The following EZR variants were observed in gnomAD, a reference collection of about 807,000 sequenced individuals.
EZR encodes the protein ezrin, also known as cytovillin 2.
EZR carries 40 observed loss-of-function variants against 74.8 expected under a neutral mutation model. That is an observed-to-expected ratio of 0.53 (90% confidence interval 0.42 to 0.70). EZR has a LOEUF of 0.70. EZR is among the 30% of genes least tolerant of loss of function. The pLI is 0.00. For synonymous variants in EZR, 341 were observed against 283.3 expected (o/e 1.20, Z -2.05); for missense variants, 678 against 755.8 (o/e 0.90, Z 1.21).
intron 10 of EZR, among the ~76,000 whole-genome samples, chr6:158,770,148 C>T (rs955771641): frequency 6.6e-6 from 1 of 152,220 alleles, no homozygotes; most frequent in Admixed American, 6.5e-5. Flanking sequence ...GGCTAGAAAC[C>T]CGTCCAACGC....
chr6:158,804,430 G>T (rs1777284698), intron 2 of EZR, among the ~76,000 whole-genome samples: 1 of 152,194 alleles, frequency 6.6e-6, no homozygotes, highest in African/African-American at 2.4e-5. Context: ...ATAAACTCCT[G>T]AAGTCTAAGT....
At position 158,787,213 on chromosome 6, in the gene EZR, A is replaced by G. The variant is rs1184319244; in HGVS notation, c.97-10T>C. On this transcript the variant is annotated splice_polypyrimidine_tract_variant and intron_variant, in intron 3 of 13. Coordinates refer to ENST00000367075, the MANE Select transcript of EZR (RefSeq NM_001111077.2). Reference sequence around the variant, plus strand: ...CGATAGTCTTTACCACCTGCGTGAGAGAGAGAGAGGCTCAACACTCATGAG... The same window carrying G: ...CGATAGTCTTTACCACCTGCGTGAGGGAGAGAGAGGCTCAACACTCATGAG... 2 of 1,607,534 alleles carry G rather than the reference A, an allele frequency of 1.2e-6. No individual in the cohort carries two copies. The highest frequency in any genetic ancestry group is 1.7e-5 in the Admixed American group (1 of 59,938).
chr6:158,772,289 A>G (rs1340277156), intron 8 of EZR, among the ~76,000 whole-genome samples: 2 of 152,226 alleles, frequency 1.3e-5, no homozygotes, highest in Non-Finnish European at 2.9e-5. Flanking sequence ...CTCGTGCAGC[A>G]CAGACAGCCA....
At chr6:158,770,716 G>A (rs1379839378) in intron 10 of EZR, 48 bp downstream of exon 10, 13 of 1,612,484 alleles carry the variant, frequency 8.1e-6, no homozygotes, top group Non-Finnish European at 8.5e-6. Flanking sequence ...CTGCTACTCT[G>A]TGGAAATGCA....
rs541507974 is a variant in EZR at position 158,813,189 on chromosome 6, C to T, written c.12+4893G>A. On this transcript the variant is annotated intron_variant, in intron 2 of 13. Coordinates refer to ENST00000367075, the MANE Select transcript of EZR (RefSeq NM_001111077.2). ...AACCCCAAACTCACACTACTTCCTCCCACCACAGGGCCTTTGCACACGTTG... is the reference window on the plus strand; with the variant it reads ...AACCCCAAACTCACACTACTTCCTCTCACCACAGGGCCTTTGCACACGTTG... Among the ~76,000 whole-genome samples the T allele has an allele frequency of 2.6e-4, 40 of 152,284 alleles. No individual in the cohort carries two copies. In the East Asian group the frequency reaches 3.9e-3, roughly 15 times the overall value.
chr6:158,781,339 G>A (rs1583565217), intron 7 of EZR, among the ~76,000 whole-genome samples: 1 of 152,174 alleles, frequency 6.6e-6, no homozygotes, highest in African/African-American at 2.4e-5. Flanking sequence ...AAGTGAGCCT[G>A]CCCAACACCC....
chr6:158,803,568 T>C (rs1030408856), intron 2 of EZR, among the ~76,000 whole-genome samples: 44 of 7,568 alleles, frequency 5.8e-3, no homozygotes, highest in African/African-American at 9.0e-3. Context: ...TATATATATA[T>C]ATATATATAT....
Position 158,767,435 on chromosome 6 carries a change from TGGTGGGGGCGGG to T in EZR, c.1410_1421del (p.Pro473_Pro476del). On this transcript the variant is annotated inframe_deletion, in exon 13 of 14. Transcript: ENST00000367075. Reference sequence around the variant, plus strand: ...AGCTCACCGGCTCGTACACGGGGGGTGGTGGGGGCGGGGGTGCTGTCATCACCAGGTGCAGCT... The same window carrying T: ...AGCTCACCGGCTCGTACACGGGGGGTGGTGCTGTCATCACCAGGTGCAGCT... The T allele has an allele frequency of 7.3e-7, 1 of 1,375,616 alleles. No individual in the cohort carries two copies. The highest frequency in any genetic ancestry group is 1.2e-5 in the South Asian group (1 of 84,784). The allele number at this position is 1,375,616 out of a possible 1,614,324, so 85.2% of individuals were successfully genotyped here.
chr6:158,782,240 GT>G (rs1459228621), intron 7 of EZR, among the ~76,000 whole-genome samples: 1 of 152,200 alleles, frequency 6.6e-6, no homozygotes, highest in Non-Finnish European at 1.5e-5. Flanking sequence ...GCTGGCACAG[GT>G]CCCTGACTTG....
At chr6:158,800,658 C>T (rs74809846) in intron 2 of EZR, among the ~76,000 whole-genome samples, 2 of 152,016 alleles carry the variant, frequency 1.3e-5, no homozygotes, top group East Asian at 1.9e-4. Flanking sequence ...AAATATTAGC[C>T]GGGTGTGGTG....
chr6:158,771,286 T>G lies in EZR; in HGVS notation c.917A>C (p.Lys306Thr). Residue 306 changes from lysine to threonine, a missense_variant, in exon 9 of 14, where the codon AAG (lysine) becomes ACG (threonine). Transcript: ENST00000367075. ...ATGCTTCTCCTCCCGGGCCTGGGCC[T>G]TCATCTGCTGCACCTCGATGGTGTC... ...KPDTIEVQQM[K>T]AQAREEKHQK... 6.2e-7 allele frequency: 1 copy of G among 1,614,046 alleles called. No individual in the cohort carries two copies. The highest frequency in any genetic ancestry group is 8.5e-7 in the Non-Finnish European group (1 of 1,179,962).
At chr6:158,796,184 T>C (rs1777066089) in intron 2 of EZR, among the ~76,000 whole-genome samples, 1 of 152,320 alleles carries the variant, frequency 6.6e-6, no homozygotes. Context: ...TAGAGTGTTT[T>C]CACGGAGAAG....
At chr6:158,791,211 T>G (rs1277322433) in intron 2 of EZR, among the ~76,000 whole-genome samples, 1 of 152,242 alleles carries the variant, frequency 6.6e-6, no homozygotes, top group African/African-American at 2.4e-5. Flanking sequence ...TTCCAGATCT[T>G]GTTTCAAAAG....
intron 2 of EZR, among the ~76,000 whole-genome samples, chr6:158,806,504 T>C (rs1159759350): frequency 1.3e-5 from 2 of 151,246 alleles, no homozygotes; most frequent in African/African-American, 4.9e-5. Context: ...TGCTGGCATA[T>C]TTTAAGGCCC....
rs748521493 is a variant in EZR, at chr6:158,769,938, G to C, written c.1097C>G (p.Ser366Trp). Reference protein sequence around the residue: ...EKTKKAERELSEQIQRALQLE... With the variant: ...EKTKKAERELWEQIQRALQLE... ...CTGCAGGGCCCTCTGAATCTGCTCC[G>C]AGAGCTCTGCAAAGACACAAAGCCA... Residue 366 changes from serine (S) to tryptophan (W), a missense_variant, in exon 11 of 14, where the codon TCG becomes TGG. Ser to Trp is a radical substitution (Grantham distance 177). Coordinates refer to ENST00000367075, the MANE Select transcript of EZR (RefSeq NM_001111077.2). The C allele has an allele frequency of 6.2e-7, 1 of 1,610,058 alleles. No homozygotes were observed. The highest frequency in any genetic ancestry group is 8.5e-7 in the Non-Finnish European group (1 of 1,179,962).
chr6:158,774,447 G>A (rs1791208283), intron 8 of EZR, among the ~76,000 whole-genome samples: 1 of 151,974 alleles, frequency 6.6e-6, no homozygotes, highest in Non-Finnish European at 1.5e-5. Context: ...TCACGTAAAT[G>A]TAGGCTCACC....
Position 158,785,175 on chromosome 6 carries a change from T to TA in EZR, c.467+133dup, listed in dbSNP as rs1791540620. The TA allele has an allele frequency of 5.3e-6, 6 of 1,133,932 alleles. No individual in the cohort carries two copies. The East Asian group carries it at 1.5e-4, about 28-fold the overall frequency. 70.2% of individuals were successfully genotyped at this position (1,133,932 alleles called of 1,614,324 possible). ...TGTTTCAGGTCGCTGGTCAGTGACT[T>TA]AATGACTAGCATGAAGGAGCACTTG... On this transcript the variant is annotated intron_variant, in intron 5 of 13. Transcript: ENST00000367075.
chr6:158,781,739 G>T (rs1290269492), intron 7 of EZR, among the ~76,000 whole-genome samples: 3 of 50,712 alleles, frequency 5.9e-5, no homozygotes, highest in Non-Finnish European at 1.3e-4. Context: ...ATGGTGTCCT[G>T]GTTCCAAGTA....
chr6:158,799,777 CGA>C (rs1345586691), intron 2 of EZR, among the ~76,000 whole-genome samples: 2 of 152,212 alleles, frequency 1.3e-5, no homozygotes, highest in Non-Finnish European at 2.9e-5. Flanking sequence ...CAGAAAAGCC[CGA>C]GAGGCAAGTG....
Sources: gnomAD v4.1 joint callset for allele counts (sites outside exome capture counted in the v4.1 genomes callset) on GRCh38, gnomAD v4.1.1 for gene constraint, MANE v1.5 for transcripts, NCBI Gene and HGNC (gene_info 2026-07-23, HGNC 2026-07-21) for gene names.